Variants in ADAMTS17 observed in about 807,000 individuals in gnomAD.
ADAMTS17 encodes the protein A disintegrin and metalloproteinase with thrombospondin motifs 17.
In ADAMTS17, 113 loss-of-function variants were observed where a neutral mutation model predicts 141.5. The observed-to-expected ratio is 0.80, with a 90% CI of 0.69 to 0.93. The LOEUF (loss-of-function observed/expected upper bound fraction) is 0.93, where lower values mean the gene tolerates loss of function less well. Among genes scored for constraint, ADAMTS17 ranks in the 40% least tolerant of loss-of-function variants. The pLI is 0.00. For synonymous variants in ADAMTS17, 768 were observed against 630.6 expected (o/e 1.22, Z -3.27); for missense variants, 1,659 against 1,517.9 (o/e 1.09, Z -1.54).
chr15:100,280,567 G>A (rs4965624), intron 4 of ADAMTS17, among the ~76,000 whole-genome samples: 10 of 151,810 alleles, frequency 6.6e-5, no homozygotes, highest in African/African-American at 2.2e-4. Flanking sequence ...TGCCTGGCCC[G>A]CCCTCCCTCA....
intron 18 of ADAMTS17, among the ~76,000 whole-genome samples, chr15:100,037,566 A>G (rs2030860507): frequency 6.6e-6 from 1 of 151,578 alleles, no homozygotes; most frequent in Non-Finnish European, 1.5e-5. Context: ...GCACCACCAC[A>G]CCCAAGTAAT....
At chr15:100,324,818 C>T (rs2045850139) in intron 3 of ADAMTS17, among the ~76,000 whole-genome samples, 1 of 152,192 alleles carries the variant, frequency 6.6e-6, no homozygotes, top group South Asian at 2.1e-4. Context: ...CAATAGCCAA[C>T]ATGGACTGGC....
At chr15:100,310,692 G>A (rs1010123072) in intron 3 of ADAMTS17, among the ~76,000 whole-genome samples, 6 of 152,168 alleles carry the variant, frequency 3.9e-5, no homozygotes, top group South Asian at 2.1e-4. Context: ...GACGCCTGAC[G>A]TTTTCTGCTC....
chr15:100,161,166 T>C (rs1223584984), intron 8 of ADAMTS17, among the ~76,000 whole-genome samples: 1 of 152,174 alleles, frequency 6.6e-6, no homozygotes, highest in Admixed American at 6.5e-5. Flanking sequence ...CTGCTCTGTA[T>C]TTGTTTTGGG....
chr15:100,212,474 C>T (rs142704897), intron 7 of ADAMTS17, among the ~76,000 whole-genome samples: 8 of 152,154 alleles, frequency 5.3e-5, no homozygotes, highest in Admixed American at 5.2e-4. Flanking sequence ...AGCTAATATG[C>T]ATGTGTGTAT....
At chr15:100,118,827 G>C (rs905632819) in intron 12 of ADAMTS17, among the ~76,000 whole-genome samples, 1 of 152,144 alleles carries the variant, frequency 6.6e-6, no homozygotes, top group Non-Finnish European at 1.5e-5. Context: ...GAACGAGTGA[G>C]GCAGCAGATG....
At chr15:100,140,577 TAAGCAG>T (rs2038593638) in intron 10 of ADAMTS17, among the ~76,000 whole-genome samples, 2 of 151,318 alleles carry the variant, frequency 1.3e-5, no homozygotes, top group African/African-American at 4.9e-5. Context: ...CCTGGCAAGC[TAAGCAG>T]TCACCAAGTC....
intron 7 of ADAMTS17, among the ~76,000 whole-genome samples, chr15:100,209,404 T>C (rs992362957): frequency 6.6e-6 from 1 of 152,092 alleles, no homozygotes; most frequent in Non-Finnish European, 1.5e-5. Flanking sequence ...AATCACTCCC[T>C]GGCAGGGCAT....
chr15:99,990,253 G>A (rs1433512696), intron 20 of ADAMTS17, among the ~76,000 whole-genome samples: 2 of 151,852 alleles, frequency 1.3e-5, no homozygotes, highest in Non-Finnish European at 2.9e-5. Context: ...TTCCCAGGCT[G>A]GTCTGGAACT....
chr15:100,225,347 T>C (rs1201304656), intron 7 of ADAMTS17, among the ~76,000 whole-genome samples: 2 of 152,250 alleles, frequency 1.3e-5, no homozygotes, highest in Non-Finnish European at 2.9e-5. Context: ...TGGCTCAAAC[T>C]AGGACCCAAG....
chr15:100,038,550 T>A (rs944880297), intron 18 of ADAMTS17, among the ~76,000 whole-genome samples: 12 of 152,248 alleles, frequency 7.9e-5, no homozygotes, highest in Admixed American at 2.6e-4. Context: ...AAAATTCTTT[T>A]ATTAAATTTA....
chr15:100,261,774 A>T, intron 5 of ADAMTS17, 138 bp from the exon 6 acceptor site: 1 of 962,028 alleles, frequency 1.0e-6, no homozygotes. Context: ...CTCGAAGAAA[A>T]GCCTGATGCT....
At chr15:100,053,384 A>C (rs4633693) in intron 16 of ADAMTS17, among the ~76,000 whole-genome samples, 2 of 151,918 alleles carry the variant, frequency 1.3e-5, no homozygotes, top group Non-Finnish European at 2.9e-5. Context: ...TAGAATACCC[A>C]CATCATCTGA....
intron 7 of ADAMTS17, among the ~76,000 whole-genome samples, chr15:100,238,623 C>A (rs1356273693): frequency 6.6e-6 from 1 of 152,214 alleles, no homozygotes; most frequent in Admixed American, 6.5e-5. Flanking sequence ...GGGCACAGGT[C>A]TGGCAGACAA....
chr15:100,083,983 TGGACAGTGGGTGCA>T (rs945650871), intron 15 of ADAMTS17, among the ~76,000 whole-genome samples: 5 of 151,920 alleles, frequency 3.3e-5, no homozygotes, highest in African/African-American at 4.8e-5. Flanking sequence ...TGGGGAGTGC[TGGACAGTGGGTGCA>T]GGACAGTGGG....
At chr15:100,303,434 C>T (rs1458235357) in intron 3 of ADAMTS17, among the ~76,000 whole-genome samples, 1 of 151,362 alleles carries the variant, frequency 6.6e-6, no homozygotes, top group Non-Finnish European at 1.5e-5. Flanking sequence ...TTGATGGTAT[C>T]CTTTAAGACA....
chr15:100,270,485 A>C (rs1295742456), intron 4 of ADAMTS17, among the ~76,000 whole-genome samples: 4 of 152,152 alleles, frequency 2.6e-5, no homozygotes, highest in African/African-American at 4.8e-5. Flanking sequence ...GCTCTCCAGA[A>C]GCAAATTTGC....
chr15:99,975,931 C>T, intron 21 of ADAMTS17, 114 bp downstream of exon 21: 1 of 1,177,928 alleles, frequency 8.5e-7, no homozygotes, highest in South Asian at 1.6e-5. Flanking sequence ...CCTTATGTGA[C>T]AAGTGAGGCC....
chr15:100,011,442 AAAG>A (rs949131682), intron 18 of ADAMTS17, among the ~76,000 whole-genome samples: 1 of 135,180 alleles, frequency 7.4e-6, no homozygotes, highest in African/African-American at 2.8e-5. Context: ...GAGGAAAGGA[AAAG>A]AAGGAAGGAA....
Sources: gnomAD v4.1 joint callset for allele counts (sites outside exome capture counted in the v4.1 genomes callset) on GRCh38, gnomAD v4.1.1 for gene constraint, MANE v1.5 for transcripts, NCBI Gene and HGNC (gene_info 2026-07-23, HGNC 2026-07-21) for gene names.